Variants in DRAM2 observed in about 807,000 individuals in gnomAD.
DRAM2 encodes DNA damage regulated autophagy modulator 2.
Under a neutral mutation model 33.5 loss-of-function variants are expected in DRAM2, and 26 were observed. The observed-to-expected ratio is 0.78, with a 90% confidence interval of 0.57 to 1.08. The LOEUF (loss-of-function observed/expected upper bound fraction) is 1.08. Ranked by LOEUF, DRAM2 falls within the 50% of genes least tolerant of loss-of-function variation. The probability of loss-of-function intolerance (pLI) is 0.00; values close to 1 mark genes in which losing one functional copy is unlikely to be tolerated. For missense variants in DRAM2, 311 were observed against 318.1 expected, an observed-to-expected ratio of 0.98 and a Z score of 0.17; for synonymous variants, 98 against 109.5, an observed-to-expected ratio of 0.89 and a Z score of 0.66.
In DRAM2 at chr1:111,117,982, T is replaced by C. The variant is rs1264399920; in HGVS notation, c.*178A>G. 1.6e-6 allele frequency: 1 copy of C among 611,882 alleles called. No homozygotes were observed. The highest frequency in any genetic ancestry group is 1.9e-5 in the African/African-American group (1 of 53,864). The allele number at this position is 611,882 out of a possible 1,614,324, so 37.9% of individuals were successfully genotyped here. A position where few individuals can be genotyped will look rare whatever the true frequency, so the allele number is the denominator to read the frequency against. On this transcript the variant is annotated 3_prime_UTR_variant, in exon 10 of 10. Coordinates refer to ENST00000484310, the MANE Select transcript of DRAM2 (RefSeq NM_001349884.2). ...GTTTTTAATAGTCTTCTTGATGATA[T>C]CCTTTAGAATAATCTATCAAATGGC...
At chr1:111,125,766 A>G (rs1650889964) in intron 5 of DRAM2, 1 of 152,688 alleles carries the variant, frequency 6.5e-6, no homozygotes, top group Non-Finnish European at 1.5e-5. Context: ...AAACAGGGAT[A>G]TGAAATACTT....
Position 111,119,753 on chromosome 1 carries a change from A to C in DRAM2, c.600+124T>G. On this transcript the variant is annotated intron_variant, in intron 8 of 9. Transcript: ENST00000484310. ...CCTACCATATCAAGAAAATAATTTT[A>C]ATACAGAACTGATTATTCTACCAGA... 4 of 777,074 alleles carry C rather than the reference A, an allele frequency of 5.1e-6. No individual in the cohort carries two copies. The South Asian group carries it at 7.4e-5, about 14-fold the overall frequency. The allele number at this position is 777,074 out of a possible 1,614,324, so 48.1% of individuals were successfully genotyped here. A position where few individuals can be genotyped will look rare whatever the true frequency, so the allele number is the denominator to read the frequency against.
At position 111,136,989 on chromosome 1, in the gene DRAM2, C is replaced by T. The variant is rs560105493; in HGVS notation, c.-15+534G>A. On this transcript the variant is annotated intron_variant, in intron 3 of 9. Transcript: ENST00000484310. ...CCATGATTGGCCGGGCACGGTGGCT[C>T]GCGCCTGTAATCCTAGCACTTTGGG... Among the ~76,000 whole-genome samples the T allele has an allele frequency of 1.3e-4, 19 of 150,878 alleles. 1 individual carries two copies. The highest frequency in any genetic ancestry group is 2.1e-4 in the South Asian group (1 of 4,738).
chr1:111,135,620 A>C (rs367619687), intron 3 of DRAM2, among the ~76,000 whole-genome samples: 1 of 152,228 alleles, frequency 6.6e-6, no homozygotes, highest in Non-Finnish European at 1.5e-5. Flanking sequence ...TTTGTTTTAC[A>C]TGTCTAAATC....
chr1:111,136,696 C>T lies in DRAM2; in HGVS notation c.-15+827G>A, dbSNP rs145263871. Among the ~76,000 whole-genome samples, 408 of 152,256 alleles carry T rather than the reference C, an allele frequency of 2.7e-3. 2 individuals are homozygous for T. Among genetic ancestry groups the T allele is most frequent in the African/African-American group, 9.1e-3 (378 of 41,546 alleles). Reference sequence around the variant, plus strand: ...CATGTAACTATTTAAATTAAAATCTCGATAGATTAAAATTAAATAAAATTT... The same window carrying T: ...CATGTAACTATTTAAATTAAAATCTTGATAGATTAAAATTAAATAAAATTT... On this transcript the variant is annotated intron_variant, in intron 3 of 9. Transcript: ENST00000484310.
chr1:111,125,219 C>T (rs1171788436), intron 5 of DRAM2, among the ~76,000 whole-genome samples: 1 of 152,128 alleles, frequency 6.6e-6, no homozygotes, highest in African/African-American at 2.4e-5. Flanking sequence ...TATTATGGAA[C>T]TACTGATCCC....
intron 9 of DRAM2, chr1:111,118,494 A>G (rs1649360179): frequency 4.0e-6 from 2 of 498,884 alleles, no homozygotes; most frequent in South Asian, 7.0e-5. Flanking sequence ...TCTACTAAGA[A>G]TCAGTAAAAC....
At chr1:111,125,713 AATATT>A (rs1476499200) in intron 5 of DRAM2, 2 of 152,314 alleles carry the variant, frequency 1.3e-5, no homozygotes. Flanking sequence ...TTGATGGAAA[AATATT>A]ATGTGAGTAA....
chr1:111,137,060 T>C (rs1287302800), intron 3 of DRAM2, among the ~76,000 whole-genome samples: 2 of 152,000 alleles, frequency 1.3e-5, no homozygotes, highest in Non-Finnish European at 2.9e-5. Context: ...GAGACCATCC[T>C]GGCTAACACG....
At chr1:111,130,713 A>G (rs187512459) in intron 4 of DRAM2, among the ~76,000 whole-genome samples, 2,463 of 149,188 alleles carry the variant, frequency 0.017, 38 homozygotes, top group Non-Finnish European at 0.024. Flanking sequence ...AAAAAAAAAA[A>G]GTTTGGGTGC....
At chr1:111,118,949 T>A in intron 8 of DRAM2, 52 bp from the exon 9 acceptor site, 1 of 1,228,430 alleles carries the variant, frequency 8.1e-7, no homozygotes, top group Non-Finnish European at 1.1e-6. Flanking sequence ...TTAAACGATC[T>A]ATATACTATG....
At chr1:111,122,382 G>C (rs1650217316) in intron 6 of DRAM2, among the ~76,000 whole-genome samples, 2 of 147,952 alleles carry the variant, frequency 1.4e-5, no homozygotes, top group South Asian at 2.4e-4. Context: ...CAGTAAGGAG[G>C]GAAGTAAAGA....
rs775784024 is a variant in DRAM2 at position 111,120,532 on chromosome 1, T to A, written c.501A>T (p.Gly167=). The change falls in exon 7 of 10, where the codon GGA becomes GGT. Residue 167 remains glycine (G), a synonymous_variant. Transcript: ENST00000484310. ...WIRLLLVIWC[G]VSALSMLTCS... Reference sequence around the variant, plus strand: ...GAAGGATACTGCTAAGTGCACTTACTCCACACCAGATAACCAACAACAGTC... The same window carrying A: ...GAAGGATACTGCTAAGTGCACTTACACCACACCAGATAACCAACAACAGTC... 1 of 1,600,924 alleles carries A rather than the reference T, an allele frequency of 6.2e-7. No individual in the cohort carries two copies. The highest frequency in any genetic ancestry group is 1.7e-5 in the Admixed American group (1 of 58,834).
intron 9 of DRAM2, 78 bp downstream of exon 9, chr1:111,118,727 G>A: frequency 9.1e-7 from 1 of 1,094,090 alleles, no homozygotes; most frequent in Non-Finnish European, 1.3e-6. Context: ...AGTTGCCTAT[G>A]GAAAGTTCTC....
intron 6 of DRAM2, chr1:111,122,506 G>A (rs1286481752): frequency 2.0e-5 from 3 of 152,082 alleles, no homozygotes; most frequent in Non-Finnish European, 4.4e-5. Flanking sequence ...TACCTGCAAG[G>A]GTAAAACCAT....
chr1:111,117,965 T>C lies in DRAM2; in HGVS notation c.*195A>G. On this transcript the variant is annotated 3_prime_UTR_variant, in exon 10 of 10. Coordinates refer to ENST00000484310, the MANE Select transcript of DRAM2 (RefSeq NM_001349884.2). ...AAAGTATAGGCATAGGTGTTTTTAA[T>C]AGTCTTCTTGATGATATCCTTTAGA... 3 of 590,128 alleles carry C rather than the reference T, an allele frequency of 5.1e-6. No individual in the cohort carries two copies. The highest frequency in any genetic ancestry group is 9.0e-6 in the Non-Finnish European group (3 of 333,916). The allele number at this position is 590,128 out of a possible 1,614,324, so 36.6% of individuals were successfully genotyped here. A position where few individuals can be genotyped will look rare whatever the true frequency, so the allele number is the denominator to read the frequency against.
At chr1:111,120,427 A>AAAG in intron 7 of DRAM2, 89 bp downstream of exon 7, 1 of 336,582 alleles carries the variant, frequency 3.0e-6, no homozygotes, top group Non-Finnish European at 5.0e-6. Context: ...AAAGACAAAA[A>AAAG]GGCTTCTTAT....
At chr1:111,121,717 C>G (rs756401927) in intron 6 of DRAM2, among the ~76,000 whole-genome samples, 6 of 152,018 alleles carry the variant, frequency 3.9e-5, no homozygotes, top group Non-Finnish European at 7.4e-5. Flanking sequence ...CAGGCAACCA[C>G]AGCAATAAGA....
intron 6 of DRAM2, among the ~76,000 whole-genome samples, chr1:111,123,382 T>C (rs1253768968): frequency 6.6e-6 from 1 of 152,178 alleles, no homozygotes; most frequent in East Asian, 1.9e-4. Context: ...ATTCTGTCCT[T>C]CACCAAACCC....
Sources: allele counts gnomAD v4.1 joint callset (sites outside exome capture counted in the v4.1 genomes callset), GRCh38; gene constraint gnomAD v4.1.1; transcripts MANE v1.5; gene names NCBI Gene and HGNC (gene_info 2026-07-23, HGNC 2026-07-21).